NPAS3: variants seen among roughly 807,000 people sequenced by gnomAD.
NPAS3 encodes the protein neuronal PAS domain-containing protein 3.
NPAS3 carries 14 observed loss-of-function variants against 73.1 expected under a neutral mutation model. That is an observed-to-expected ratio of 0.19 (90% CI 0.13 to 0.30). The LOEUF (loss-of-function observed/expected upper bound fraction) is 0.30. Among genes scored for constraint, NPAS3 ranks in the 10% least tolerant of loss-of-function variants. The pLI is 1.00. For missense variants in NPAS3, 1,096 were observed against 1,250.0 expected (o/e 0.88, Z 1.86); for synonymous variants, 620 against 541.5 (o/e 1.14, Z -2.01).
At position 33,651,529 on chromosome 14, in the gene NPAS3, G is replaced by T. The variant is rs376537300; in HGVS notation, c.559-24682G>T. On this transcript the variant is annotated intron_variant, in intron 5 of 11. Coordinates refer to ENST00000356141, the Ensembl canonical transcript of NPAS3. ...CATCTCAACTGATATAAGATAATTAGAATACAAATTATATATTAAAAAAAC... is the reference window on the plus strand; with the variant it reads ...CATCTCAACTGATATAAGATAATTATAATACAAATTATATATTAAAAAAAC... 6.6e-5 allele frequency among the ~76,000 whole-genome samples: 10 copies of T among 151,966 alleles called. No homozygotes were observed. The East Asian group carries it at 9.7e-4, about 15-fold the overall frequency.
chr14:32,937,573 G>A (rs1401758834), upstream of NPAS3, among the ~76,000 whole-genome samples: 2 of 152,126 alleles, frequency 1.3e-5, no homozygotes, highest in African/African-American at 4.8e-5. Context: ...ACTCCAAAGA[G>A]AACTTAAACA....
chr14:33,503,177 G>T (rs886898195), intron 4 of NPAS3, among the ~76,000 whole-genome samples: 8 of 151,862 alleles, frequency 5.3e-5, no homozygotes, highest in African/African-American at 1.9e-4. Flanking sequence ...AATTGCCTTT[G>T]TCTTCTTAAA....
chr14:33,140,587 C>T (rs965097903), intron 2 of NPAS3, among the ~76,000 whole-genome samples: 1 of 152,138 alleles, frequency 6.6e-6, no homozygotes, highest in Admixed American at 6.5e-5. Context: ...ATCATGCATG[C>T]TTCACCGTGT....
intron 2 of NPAS3, among the ~76,000 whole-genome samples, chr14:33,212,521 A>G (rs542959330): frequency 6.6e-6 from 1 of 152,310 alleles, no homozygotes; most frequent in East Asian, 1.9e-4. Flanking sequence ...GTAGTAAAAC[A>G]TCAGAACACA....
chr14:32,986,484 T>G (rs1312016457), intron 1 of NPAS3, among the ~76,000 whole-genome samples: 2 of 152,198 alleles, frequency 1.3e-5, no homozygotes, highest in African/African-American at 2.4e-5. Context: ...GAAACCTCTG[T>G]GTGCATGGGT....
chr14:33,314,673 C>T (rs947687626), intron 3 of NPAS3, among the ~76,000 whole-genome samples: 1 of 151,926 alleles, frequency 6.6e-6, no homozygotes, highest in Non-Finnish European at 1.5e-5. Context: ...ATATTAAAAA[C>T]ATATTGAATG....
chr14:33,178,209 G>A (rs1035737733), intron 2 of NPAS3, among the ~76,000 whole-genome samples: 1 of 151,624 alleles, frequency 6.6e-6, no homozygotes, highest in Non-Finnish European at 1.5e-5. Context: ...CGAGTGGCTG[G>A]GACTACAGGT....
At chr14:33,173,624 C>T (rs1454160404) in intron 2 of NPAS3, among the ~76,000 whole-genome samples, 7 of 152,108 alleles carry the variant, frequency 4.6e-5, no homozygotes, top group Non-Finnish European at 7.4e-5. Context: ...TGGTATCATA[C>T]TGAATGTAGG....
In NPAS3 at chr14:33,645,520, A is replaced by G. The variant is rs868863358; in HGVS notation, c.559-30691A>G. On this transcript the variant is annotated intron_variant, in intron 5 of 11. Coordinates refer to ENST00000356141, the Ensembl canonical transcript of NPAS3. ...TTGGATTATTTAAAGCAATAGCTAA[A>G]TTATCTCTAAATAGACAGATTAAGT... Among the ~76,000 whole-genome samples the G allele has an allele frequency of 3.3e-5, 5 of 152,344 alleles. No individual in the cohort carries two copies. In the Middle Eastern group the frequency reaches 0.014, roughly 415 times the overall value.
intron 3 of NPAS3, 155 bp downstream of exon 3, chr14:33,215,581 T>C (rs2047193002): frequency 7.0e-6 from 6 of 863,016 alleles, no homozygotes; most frequent in African/African-American, 1.6e-5. Context: ...AAAGACACCA[T>C]GTGAAGGTGA....
At chr14:33,172,572 CA>C (rs763878556) in intron 2 of NPAS3, among the ~76,000 whole-genome samples, 68 of 151,826 alleles carry the variant, frequency 4.5e-4, no homozygotes, top group Non-Finnish European at 8.5e-4. Flanking sequence ...CCCATCTCTA[CA>C]AAAAATAAAA....
At chr14:33,192,346 GTTCT>G (rs1264308033) in intron 2 of NPAS3, among the ~76,000 whole-genome samples, 10 of 152,132 alleles carry the variant, frequency 6.6e-5, no homozygotes, top group African/African-American at 1.4e-4. Flanking sequence ...GAAACCATGG[GTTCT>G]TTAAGTCTTG....
rs117088402 is a variant in NPAS3 at position 33,647,064 on chromosome 14, A to G, written c.559-29147A>G. Among the ~76,000 whole-genome samples the G allele has an allele frequency of 9.9e-5, 15 of 152,246 alleles. No homozygotes were observed. The East Asian group carries it at 2.9e-3, about 29-fold the overall frequency. On this transcript the variant is annotated intron_variant, in intron 5 of 11. Transcript: ENST00000356141. The stretch of plus-strand genomic sequence containing the variant: ...AACAAAAGTGCTGTTGATCAAAATG[A>G]TGTGAAAGTCAGGTATATTATTTTC...
At chr14:33,087,913 A>G (rs1442254270) in intron 2 of NPAS3, among the ~76,000 whole-genome samples, 1 of 152,246 alleles carries the variant, frequency 6.6e-6, no homozygotes. Context: ...ATACTTCAGT[A>G]AGTACCTCAC....
In NPAS3 at chr14:33,278,331, T is replaced by C. The variant is rs141122283; in HGVS notation, c.385+62905T>C. On this transcript the variant is annotated intron_variant, in intron 3 of 11. Coordinates refer to ENST00000356141, the Ensembl canonical transcript of NPAS3. ...ATCAGTATGTATCTGGCATTTACAG[T>C]CAGAAGGCTACGTGATGTCACCTAG... Among the ~76,000 whole-genome samples, 593 of 152,144 alleles carry C rather than the reference T, an allele frequency of 3.9e-3. 3 individuals carry two copies. The highest frequency in any genetic ancestry group is 0.014 in the African/African-American group (562 of 41,530).
intron 2 of NPAS3, among the ~76,000 whole-genome samples, chr14:33,203,646 A>T (rs1171923214): frequency 6.6e-6 from 1 of 152,212 alleles, no homozygotes; most frequent in Non-Finnish European, 1.5e-5. Flanking sequence ...TACAAAGGAC[A>T]TGAACTCATC....
chr14:32,974,788 C>T (rs1209433115), intron 1 of NPAS3, among the ~76,000 whole-genome samples: 1 of 152,168 alleles, frequency 6.6e-6, no homozygotes, highest in Non-Finnish European at 1.5e-5. Flanking sequence ...GCTGACTTCT[C>T]TTTACATCTC....
In NPAS3 at chr14:33,270,658, C is replaced by T. The variant is rs117496889; in HGVS notation, c.385+55232C>T. 3.4e-3 allele frequency among the ~76,000 whole-genome samples: 514 copies of T among 152,318 alleles called. 18 individuals carry two copies. The East Asian group carries it at 0.087, about 26-fold the overall frequency. On this transcript the variant is annotated intron_variant, in intron 3 of 11. Coordinates refer to ENST00000356141, the Ensembl canonical transcript of NPAS3. ...GACCATTGATAAGGTGGCTAGATTACATGTTTTCCCTCTGGAAGATCGTAA... is the reference window on the plus strand; with the variant it reads ...GACCATTGATAAGGTGGCTAGATTATATGTTTTCCCTCTGGAAGATCGTAA...
intron 1 of NPAS3, among the ~76,000 whole-genome samples, chr14:33,015,879 G>C (rs2039372767): frequency 6.6e-6 from 1 of 152,132 alleles, no homozygotes; most frequent in South Asian, 2.1e-4. Flanking sequence ...TAGTATTTAA[G>C]TAATATTTTT....
Sources: gnomAD v4.1 joint callset for allele counts (sites outside exome capture counted in the v4.1 genomes callset) on GRCh38, gnomAD v4.1.1 for gene constraint, MANE v1.5 for transcripts, NCBI Gene and HGNC (gene_info 2026-07-23, HGNC 2026-07-21) for gene names.